RNASEH2B: variants seen among roughly 807,000 people sequenced by gnomAD.
The protein encoded by RNASEH2B is ribonuclease H2 subunit B, also known as Aicardi-Goutieres syndrome 2 protein.
Under a neutral mutation model 45.0 loss-of-function variants are expected in RNASEH2B, and 36 were observed. The observed-to-expected ratio is 0.80, with a 90% CI of 0.61 to 1.06. The LOEUF is 1.06. RNASEH2B is among the 50% of genes least tolerant of loss of function. RNASEH2B has a pLI of 0.00. For synonymous variants in RNASEH2B, 119 were observed against 125.7 expected (o/e 0.95, Z 0.35); for missense variants, 361 against 360.3 (o/e 1.00, Z -0.02).
At chr13:50,970,334 AC>A (rs1201412034) in exon 10 of RNASEH2B, 4 of 472,298 alleles carry the variant, frequency 8.5e-6, no homozygotes, top group African/African-American at 6.1e-5. Flanking sequence ...CCAAGTTTCA[AC>A]CCTTACTTTA....
chr13:50,935,176 C>T (rs1160866031), intron 5 of RNASEH2B, 177 bp downstream of exon 5: 2 of 613,172 alleles, frequency 3.3e-6, no homozygotes, highest in Non-Finnish European at 5.9e-6. Context: ...AGTGTTTAGT[C>T]TTTGGAACTA....
intron 1 of RNASEH2B, chr13:50,910,546 G>A (rs1378762220): frequency 6.0e-6 from 1 of 167,904 alleles, no homozygotes; most frequent in East Asian, 1.6e-4. Flanking sequence ...TAGGCTCGAA[G>A]TGGCCTCAGA....
chr13:50,961,038 G>C (rs1157142763), downstream of RNASEH2B, among the ~76,000 whole-genome samples: 1 of 152,126 alleles, frequency 6.6e-6, no homozygotes, highest in Non-Finnish European at 1.5e-5. Flanking sequence ...TTAAATTCAA[G>C]TCATACTCTT....
intron 5 of RNASEH2B, chr13:50,937,318 C>A (rs1425472028): frequency 1.3e-5 from 2 of 152,222 alleles, no homozygotes; most frequent in East Asian, 3.9e-4. Flanking sequence ...ATCTCTGGGG[C>A]TCAAGCAATC....
intron 5 of RNASEH2B, chr13:50,938,617 A>G (rs960567100): frequency 8.5e-5 from 13 of 152,124 alleles, no homozygotes; most frequent in African/African-American, 2.9e-4. Context: ...TTCGATTCTC[A>G]TAAGGAGCAC....
At chr13:50,964,488 GACACCCACCCAAA>G (rs1197196982) in intron 9 of RNASEH2B, among the ~76,000 whole-genome samples, 3 of 152,066 alleles carry the variant, frequency 2.0e-5, no homozygotes, top group Non-Finnish European at 4.4e-5. Flanking sequence ...CCAGAATAGT[GACACCCACCCAAA>G]GCTCAAAAGA....
exon 10 of RNASEH2B, chr13:50,969,945 G>A: frequency 6.4e-7 from 1 of 1,551,648 alleles, no homozygotes; most frequent in Non-Finnish European, 8.7e-7. Context: ...GCAGCACAAA[G>A]ACAGAAAAGG....
At chr13:50,931,880 A>G (rs1482298753) in intron 4 of RNASEH2B, among the ~76,000 whole-genome samples, 2 of 152,094 alleles carry the variant, frequency 1.3e-5, no homozygotes, top group African/African-American at 2.4e-5. Flanking sequence ...ATTTTGTAAC[A>G]TCATGCTTTG....
At chr13:50,947,386 AGTGT>A (rs34501133) in intron 7 of RNASEH2B, among the ~76,000 whole-genome samples, 8,936 of 145,748 alleles carry the variant, frequency 0.061, 275 homozygotes, top group Admixed American at 0.09. Context: ...TTAGTTTGGG[AGTGT>A]GTGTGTGTGT....
chr13:50,947,386 A>AGTGTGTGTGTGTGTGT (rs34501133), intron 7 of RNASEH2B, among the ~76,000 whole-genome samples: 34 of 145,994 alleles, frequency 2.3e-4, no homozygotes, highest in Non-Finnish European at 4.2e-4. Context: ...TTAGTTTGGG[A>AGTGTGTGTGTGTGTGT]GTGTGTGTGT....
chr13:50,944,318 C>G (rs2137986563), intron 6 of RNASEH2B, among the ~76,000 whole-genome samples: 1 of 152,256 alleles, frequency 6.6e-6, no homozygotes, highest in African/African-American at 2.4e-5. Flanking sequence ...AGTTGTAGTA[C>G]TGTTTCCTAA....
At chr13:50,964,899 A>T (rs1952149848) in intron 9 of RNASEH2B, among the ~76,000 whole-genome samples, 1 of 151,790 alleles carries the variant, frequency 6.6e-6, no homozygotes, top group Non-Finnish European at 1.5e-5. Context: ...CACTTATCTT[A>T]ATCACTTTTC....
At chr13:50,969,013 G>A (rs1485767987) in intron 9 of RNASEH2B, among the ~76,000 whole-genome samples, 3 of 152,198 alleles carry the variant, frequency 2.0e-5, no homozygotes, top group African/African-American at 7.2e-5. Flanking sequence ...AGCAAAAGAA[G>A]CTAAGGAATC....
At chr13:50,970,377 T>G in exon 10 of RNASEH2B, 1 of 387,846 alleles carries the variant, frequency 2.6e-6, no homozygotes, top group Non-Finnish European at 4.5e-6. Context: ...CCATATCAAT[T>G]TGGAAGCTTC....
intron 9 of RNASEH2B, chr13:50,950,491 G>A (rs1287894669): frequency 6.6e-6 from 1 of 152,214 alleles, no homozygotes; most frequent in African/African-American, 2.4e-5. Flanking sequence ...TTGGAGAATA[G>A]CACTGGGCAG....
At chr13:50,966,110 G>C (rs1432940526) in intron 9 of RNASEH2B, among the ~76,000 whole-genome samples, 1 of 152,250 alleles carries the variant, frequency 6.6e-6, no homozygotes, top group East Asian at 1.9e-4. Context: ...CACATACCAG[G>C]TGCCATTTTG....
rs775435037 is a variant in RNASEH2B at position 50,956,355 on chromosome 13, CAG to C, written c.823-1_823del. On this transcript the variant is annotated splice_acceptor_variant, in intron 10 of 10. Transcript: ENST00000336617. LOFTEE classifies it high-confidence loss of function. ...AATTTTTCTCTCTTATTTTCATTAA[CAG>C]AAAAATAGCAAAATGACTGCAGCTC... 1 of 1,589,840 alleles carries C rather than the reference CAG, an allele frequency of 6.3e-7. No individual in the cohort carries two copies.
At chr13:50,929,042 C>T (rs1464722968) in intron 2 of RNASEH2B, among the ~76,000 whole-genome samples, 1 of 148,288 alleles carries the variant, frequency 6.7e-6, no homozygotes, top group Non-Finnish European at 1.5e-5. Context: ...CTGTCTTTCT[C>T]ACTTAGGGTT....
chr13:50,927,159 AG>A, intron 1 of RNASEH2B: 1 of 414,402 alleles, frequency 2.4e-6, no homozygotes, highest in East Asian at 5.3e-5. Context: ...ATTATCACCC[AG>A]GCCTTCTGAT....
Sources: gnomAD v4.1 joint callset for allele counts (sites outside exome capture counted in the v4.1 genomes callset) on GRCh38, gnomAD v4.1.1 for gene constraint, MANE v1.5 for transcripts, NCBI Gene and HGNC (gene_info 2026-07-23, HGNC 2026-07-21) for gene names.